MED12: variants seen among roughly 807,000 people sequenced by gnomAD.
The protein encoded by MED12 is mediator of RNA polymerase II transcription subunit 12.
MED12 carries 10 observed loss-of-function variants against 177.7 expected under a neutral mutation model. The observed-to-expected ratio is 0.06, with a 90% CI of 0.03 to 0.10. The LOEUF (loss-of-function observed/expected upper bound fraction) is 0.10. Ranked by LOEUF, MED12 falls within the 10% of genes least tolerant of loss-of-function variation. The probability of loss-of-function intolerance (pLI) is 1.00; values close to 1 mark genes in which losing one functional copy is unlikely to be tolerated. For missense variants in MED12, 867 were observed against 1,780.8 expected (o/e 0.49, Z 9.23); for synonymous variants, 641 against 678.4 (o/e 0.94, Z 0.86).
chrX:71,136,164 T>C (rs2092332075), intron 36 of MED12, 117 bp from the exon 37 acceptor site: 1 of 897,098 alleles, frequency 1.1e-6, no homozygotes, highest in Non-Finnish European at 1.6e-6. Flanking sequence ...GTCTGTCTGC[T>C]TCTTACCATC....
chrX:71,132,662 G>GA, intron 31 of MED12, 124 bp downstream of exon 31: 1 of 932,214 alleles, frequency 1.1e-6, no homozygotes, highest in Admixed American at 2.7e-5. Context: ...GGATAAGAGT[G>GA]GGCATGGCTG....
chrX:71,131,970 G>T (rs777984926), intron 29 of MED12, 103 bp from the exon 30 acceptor site: 14 of 761,540 alleles, frequency 1.8e-5, no homozygotes, highest in African/African-American at 4.1e-5. Flanking sequence ...ATCAATCTCC[G>T]CCAGTGTTGT....
Position 71,118,692 on chromosome X carries a change from C to G in MED12, c.-63C>G. Reference sequence around the variant, plus strand: ...CGCCCCCCTTTTCGGCTCCCTCTCCCCCTTCCCGTTCCCCCAGTCAGCCTG... The same window carrying G: ...CGCCCCCCTTTTCGGCTCCCTCTCCGCCTTCCCGTTCCCCCAGTCAGCCTG... On this transcript the variant is annotated 5_prime_UTR_variant, in exon 1 of 45. Transcript: ENST00000374080. The G allele has an allele frequency of 9.2e-7, 1 of 1,092,031 alleles. No homozygotes were observed. The highest frequency in any genetic ancestry group is 1.2e-6 in the Non-Finnish European group (1 of 801,345). 90.0% of individuals were successfully genotyped at this position (1,092,031 alleles called of 1,213,427 possible). A position where few individuals can be genotyped will look rare whatever the true frequency, so the allele number is the denominator to read the frequency against.
intron 42 of MED12, 93 bp from the exon 43 acceptor site, chrX:71,141,137 C>T (rs1458107413): frequency 8.6e-7 from 1 of 1,159,745 alleles, no homozygotes; most frequent in Admixed American, 2.6e-5. Flanking sequence ...CGAGCTCCCA[C>T]CCTGCTTCCT....
chrX:71,122,808 C>G lies in MED12; in HGVS notation c.1419C>G (p.Phe473Leu). ...GCCATAGTTTTGAACGCTCTGACTTCAGCAACTCTCTTGACTCCCTTTGTA... is the reference window on the plus strand; with the variant it reads ...GCCATAGTTTTGAACGCTCTGACTTGAGCAACTCTCTTGACTCCCTTTGTA... Reference protein sequence around the residue: ...LDSHSFERSDFSNSLDSLCNR... With the variant: ...LDSHSFERSDLSNSLDSLCNR... The change falls in exon 10 of 45, where the codon TTC becomes TTG. Residue 473 changes from phenylalanine to leucine, a missense_variant. Physicochemically the swap from Phe to Leu is conservative, Grantham distance 22. This residue lies in a region of MED12 where 309 missense variants were observed against 556.3 expected (regional missense o/e 0.56). Coordinates refer to ENST00000374080, the MANE Select transcript of MED12 (RefSeq NM_005120.3). 1 of 1,209,160 alleles carries G rather than the reference C, an allele frequency of 8.3e-7. No homozygotes were observed.
chrX:71,125,760 C>T, intron 17 of MED12, 47 bp downstream of exon 17: 1 of 1,060,851 alleles, frequency 9.4e-7, no homozygotes. Context: ...TCTCCCTTCC[C>T]TCCCTGAACC....
At position 71,122,889 on chromosome X, in the gene MED12, G is replaced by A. The variant is rs1047319494; in HGVS notation, c.1485+15G>A. ...ATGGGCATGAGGTAAGCGAAAAGGGGAATAGAAGGAGCAAAAAACATTGCA... is the reference window on the plus strand; with the variant it reads ...ATGGGCATGAGGTAAGCGAAAAGGGAAATAGAAGGAGCAAAAAACATTGCA... On this transcript the variant is annotated intron_variant, in intron 10 of 44. Transcript: ENST00000374080. 4 of 1,207,471 alleles carry A rather than the reference G, an allele frequency of 3.3e-6. No homozygotes were observed. In the African/African-American group the frequency reaches 7.0e-5, roughly 21 times the overall value.
intron 36 of MED12, 50 bp downstream of exon 36, chrX:71,135,303 A>G: frequency 1.7e-6 from 2 of 1,194,169 alleles, no homozygotes; most frequent in Non-Finnish European, 1.1e-6. Context: ...CCCTTTGGGC[A>G]AGAACTTTGC....
chrX:71,136,486 T>C lies in MED12; in HGVS notation c.5231T>C (p.Leu1744Pro), dbSNP rs746777806. ...GCCTATTACCTGGAGCCACTGCCAC[T>C]GCCCCCAGAAGATGAGGAGCCGCCT... Reference protein sequence around the residue: ...PRAYYLEPLPLPPEDEEPPAP... With the variant: ...PRAYYLEPLPPPPEDEEPPAP... The change falls in exon 37 of 45, where the codon CTG becomes CCG. Residue 1744 changes from leucine to proline, a missense_variant. This residue lies in a region of MED12 where 36 missense variants were observed against 141.5 expected (regional missense o/e 0.25). Transcript: ENST00000374080. 1.7e-6 allele frequency: 2 copies of C among 1,207,749 alleles called. No individual in the cohort carries two copies. Among genetic ancestry groups the C allele is most frequent in the Non-Finnish European group, 2.2e-6 (2 of 893,821 alleles).
At chrX:71,124,476 TG>T (rs1231040407) in intron 13 of MED12, 88 bp downstream of exon 13, 5 of 740,338 alleles carry the variant, frequency 6.8e-6, no homozygotes, top group Non-Finnish European at 1.0e-5. Context: ...CTCTTTTGCC[TG>T]GGGGAGGGGG....
intron 21 of MED12, 23 bp downstream of exon 21, chrX:71,127,490 G>T: frequency 8.4e-7 from 1 of 1,189,832 alleles, no homozygotes; most frequent in Non-Finnish European, 1.1e-6. Flanking sequence ...GAAGGTAAGG[G>T]GTAGCGAGTG....
At chrX:71,134,894 C>T (rs768277814) in intron 35 of MED12, 46 bp downstream of exon 35, 2 of 1,207,120 alleles carry the variant, frequency 1.7e-6, no homozygotes, top group Non-Finnish European at 2.2e-6. Context: ...CTGGAATCTG[C>T]TGTCCAGCCT....
intron 26 of MED12, 75 bp downstream of exon 26, chrX:71,129,504 T>A: frequency 1.1e-6 from 1 of 950,219 alleles, no homozygotes; most frequent in South Asian, 2.0e-5. Flanking sequence ...AGGGACAGTC[T>A]TTCTCCCTTC....
chrX:71,124,772 G>A lies in MED12; in HGVS notation c.1983G>A (p.Gly661=). ...GSSSSKLEDP[G]LSESMDIDPS... is the part of the protein sequence containing the mutation. ...ATGTTCTATGCCCTCAGGATCCAGG[G>A]CTCTCAGAATCTATGGACATTGACC... The change falls in exon 14 of 45, where the codon GGG becomes GGA. Residue 661 remains glycine (G), a synonymous_variant. Transcript: ENST00000374080. 1 of 1,208,902 alleles carries A rather than the reference G, an allele frequency of 8.3e-7. No individual in the cohort carries two copies. Among genetic ancestry groups the A allele is most frequent in the Non-Finnish European group, 1.1e-6 (1 of 893,227 alleles).
Position 71,134,716 on chromosome X carries a change from G to C in MED12, c.4731G>C (p.Glu1577Asp). Residue 1577 changes from glutamate to aspartate, a missense_variant, in exon 35 of 45, where the codon GAG becomes GAC. By Grantham distance (45) the Glu-to-Asp change is conservative. Around this residue, in one of 14 missense-constraint regions of MED12, gnomAD observed 34 missense variants for 58.9 expected, o/e 0.58. Coordinates refer to ENST00000374080, the MANE Select transcript of MED12 (RefSeq NM_005120.3). The stretch of plus-strand genomic sequence containing the variant: ...TCTCTCTGGCTTCCTGTCTCAGTGA[G>C]CTCTTCACTACTGTGTTGGACATGC... ...SGTVDMQSNN[E>D]LFTTVLDMLS... 2.5e-6 allele frequency: 3 copies of C among 1,211,180 alleles called. No homozygotes were observed. The highest frequency in any genetic ancestry group is 3.4e-6 in the Non-Finnish European group (3 of 895,351).
Position 71,137,644 on chromosome X carries a change from C to T in MED12, c.5826+9C>T, listed in dbSNP as rs1333345390. ...GTTTGCAGACTTCCCAGGTAAGAGC[C>T]TGGGATTGTGAGACTAGGGGGATGA... On this transcript the variant is annotated intron_variant, in intron 40 of 44. Coordinates refer to ENST00000374080, the MANE Select transcript of MED12 (RefSeq NM_005120.3). The T allele has an allele frequency of 8.3e-7, 1 of 1,205,748 alleles. No homozygotes were observed. The highest frequency in any genetic ancestry group is 2.2e-5 in the Admixed American group (1 of 45,532).
chrX:71,134,210 GAC>G, intron 33 of MED12, 145 bp from the exon 34 acceptor site: 4 of 418,978 alleles, frequency 9.5e-6, no homozygotes, highest in Non-Finnish European at 1.6e-5. Flanking sequence ...TAGCCTGGGT[GAC>G]AGAGCGAGAC....
chrX:71,141,166 C>A (rs932993884), intron 42 of MED12, 64 bp from the exon 43 acceptor site: 1 of 1,162,600 alleles, frequency 8.6e-7, no homozygotes. Flanking sequence ...GCCCTCAGCC[C>A]TTTAGTTCTG....
Position 71,121,664 on chromosome X carries a change from T to C in MED12, c.949T>C (p.Ser317Pro), listed in dbSNP as rs1330990917. ...LQLDGVSSHS[S>P]HVISAQSTST... The stretch of plus-strand genomic sequence containing the variant: ...GCTGGATGGTGTGAGCAGTCACTCA[T>C]CTCATGTTATATCTGCTCAGTCAAC... The change falls in exon 7 of 45, where the codon TCT (serine) becomes CCT (proline). Residue 317 changes from serine to proline, a missense_variant. Ser to Pro is a moderately conservative substitution (Grantham distance 74). Coordinates refer to ENST00000374080, the MANE Select transcript of MED12 (RefSeq NM_005120.3). 3 of 1,211,206 alleles carry C rather than the reference T, an allele frequency of 2.5e-6. No homozygotes were observed. Among genetic ancestry groups the C allele is most frequent in the Admixed American group, 2.2e-5 (1 of 45,975 alleles).
Sources: allele counts gnomAD v4.1 joint callset, GRCh38; gene constraint gnomAD v4.1.1; regional missense constraint gnomAD v4.1.1; transcripts MANE v1.5; gene names NCBI Gene and HGNC (gene_info 2026-07-23, HGNC 2026-07-21).